Variants in RAPH1 observed in about 807,000 individuals in gnomAD.
RAPH1 encodes the protein Ras association (RalGDS/AF-6) and pleckstrin homology domains 1, also known as ras-associated and pleckstrin homology domains-containing protein 1.
A neutral mutation model predicts 88.1 loss-of-function variants in RAPH1; 18 were observed. The ratio of observed to expected loss-of-function variants is 0.20; its 90% CI spans 0.14 to 0.30. The LOEUF (loss-of-function observed/expected upper bound fraction) is 0.30. Among genes scored for constraint, RAPH1 ranks in the 10% least tolerant of loss-of-function variants. The pLI, the probability that RAPH1 is intolerant of heterozygous loss-of-function variation, is 1.00. For missense variants in RAPH1, 1,448 were observed against 1,543.2 expected (o/e 0.94, Z 1.03); for synonymous variants, 587 against 559.0 (o/e 1.05, Z -0.71).
chr2:203,516,550 AC>A (rs1444928667), intron 1 of RAPH1, among the ~76,000 whole-genome samples: 4 of 151,998 alleles, frequency 2.6e-5, no homozygotes, highest in African/African-American at 7.3e-5. Flanking sequence ...GGAGTTTGAG[AC>A]CGGCCTGGCC....
intron 7 of RAPH1, among the ~76,000 whole-genome samples, chr2:203,458,366 A>C (rs2098521553): frequency 6.6e-6 from 1 of 152,096 alleles, no homozygotes; most frequent in South Asian, 2.1e-4. Context: ...ATCTCAAAAA[A>C]AAACAAAAAA....
Position 203,461,268 on chromosome 2 carries a change from G to T in RAPH1, c.951C>A (p.Thr317=). ...GYSLDWSLVE[T]VSELQMERIF... Reference sequence around the variant, plus strand: ...ACTAACCCATTTGTAATTCAGAAACGGTTTCTACCAGTGACCAGTCTAAAC... The same window carrying T: ...ACTAACCCATTTGTAATTCAGAAACTGTTTCTACCAGTGACCAGTCTAAAC... The change falls in exon 6 of 14, where the codon ACC becomes ACA. Residue 317 remains threonine (T), a synonymous_variant. Transcript: ENST00000319170. 6.3e-7 allele frequency: 1 copy of T among 1,581,276 alleles called. No homozygotes were observed. Among genetic ancestry groups the T allele is most frequent in the Non-Finnish European group, 8.6e-7 (1 of 1,163,056 alleles).
At chr2:203,518,480 T>G (rs1689715330) in intron 1 of RAPH1, among the ~76,000 whole-genome samples, 1 of 150,724 alleles carries the variant, frequency 6.6e-6, no homozygotes, top group South Asian at 2.1e-4. Flanking sequence ...ATCGCACCAC[T>G]GCACTCCAGC....
At chr2:203,497,724 G>T (rs993421591) in intron 1 of RAPH1, among the ~76,000 whole-genome samples, 2 of 151,848 alleles carry the variant, frequency 1.3e-5, no homozygotes, top group Non-Finnish European at 2.9e-5. Context: ...TTCTACCCTG[G>T]CAAGTGAAAA....
intron 13 of RAPH1, 132 bp from the exon 14 acceptor site, chr2:203,441,545 G>A (rs2098504163): frequency 7.2e-7 from 1 of 1,386,476 alleles, no homozygotes. Context: ...TGCAGAAGTT[G>A]GTGGTGATCA....
intron 8 of RAPH1, among the ~76,000 whole-genome samples, chr2:203,456,883 C>T (rs2098520009): frequency 6.6e-6 from 1 of 151,968 alleles, no homozygotes; most frequent in Non-Finnish European, 1.5e-5. Context: ...AATTTGTGAA[C>T]AGCTAATTAT....
intron 10 of RAPH1, among the ~76,000 whole-genome samples, chr2:203,450,008 G>A (rs2098513378): frequency 6.8e-6 from 1 of 147,650 alleles, no homozygotes; most frequent in African/African-American, 2.5e-5. Flanking sequence ...GGGTAACAGA[G>A]CGAGACTTCG....
intron 1 of RAPH1, among the ~76,000 whole-genome samples, chr2:203,499,033 C>CCA (rs1399104091): frequency 2.0e-5 from 3 of 152,126 alleles, no homozygotes; most frequent in Non-Finnish European, 4.4e-5. Flanking sequence ...GTAGACTATA[C>CCA]CACCTGGGTT....
Position 203,438,447 on chromosome 2 carries a change from T to C in RAPH1, c.*990A>G, listed in dbSNP as rs1337866398. The stretch of plus-strand genomic sequence containing the variant: ...TTCATATACCAATTGTCTACAGATA[T>C]GTAATAACACCTACCTAAAGCACAT... On this transcript the variant is annotated 3_prime_UTR_variant, in exon 14 of 14. Coordinates refer to ENST00000319170, the MANE Select transcript of RAPH1 (RefSeq NM_213589.3). The C allele has an allele frequency of 9.7e-6, 3 of 309,468 alleles. No individual in the cohort carries two copies. The Admixed American group carries it at 1.4e-4, about 14-fold the overall frequency. The allele number at this position is 309,468 out of a possible 1,614,324, so 19.2% of individuals were successfully genotyped here.
intron 3 of RAPH1, among the ~76,000 whole-genome samples, chr2:203,490,990 G>A (rs1358632897): frequency 4.0e-5 from 6 of 150,160 alleles, no homozygotes; most frequent in Non-Finnish European, 5.9e-5. Flanking sequence ...GTTGCAGTGA[G>A]CCGAGACTGT....
At chr2:203,525,723 G>A (rs953124044) in intron 1 of RAPH1, among the ~76,000 whole-genome samples, 24 of 152,146 alleles carry the variant, frequency 1.6e-4, no homozygotes, top group African/African-American at 5.8e-4. Flanking sequence ...TTTGCAGTGA[G>A]CTGAGATTGG....
At chr2:203,515,527 G>C (rs532394543) in intron 1 of RAPH1, among the ~76,000 whole-genome samples, 1 of 152,154 alleles carries the variant, frequency 6.6e-6, no homozygotes, top group Non-Finnish European at 1.5e-5. Flanking sequence ...GTCTTTTATT[G>C]TATCACTGTT....
intron 1 of RAPH1, among the ~76,000 whole-genome samples, chr2:203,531,321 G>A (rs988981935): frequency 1.3e-5 from 2 of 152,040 alleles, no homozygotes; most frequent in African/African-American, 2.4e-5. Context: ...GAGTCAATGG[G>A]GGCAGCAAAC....
chr2:203,491,852 A>T (rs546852519), intron 2 of RAPH1, among the ~76,000 whole-genome samples: 119 of 152,364 alleles, frequency 7.8e-4, no homozygotes, highest in Non-Finnish European at 1.4e-3. Context: ...AGTTCAGAGT[A>T]AATATCTTTT....
At chr2:203,523,383 ACT>A (rs1274708837) in intron 1 of RAPH1, among the ~76,000 whole-genome samples, 1 of 145,024 alleles carries the variant, frequency 6.9e-6, no homozygotes, top group Non-Finnish European at 1.5e-5. Flanking sequence ...AAAGAGCGAG[ACT>A]CTGTCTCAAA....
At chr2:203,477,809 G>A (rs976390171) in intron 4 of RAPH1, among the ~76,000 whole-genome samples, 1 of 152,100 alleles carries the variant, frequency 6.6e-6, no homozygotes, top group East Asian at 1.9e-4. Context: ...CAGTACATTG[G>A]GGGTGAGGAG....
At chr2:203,518,531 CAAAAAAACAAA>C (rs1559502044) in intron 1 of RAPH1, among the ~76,000 whole-genome samples, 2 of 89,998 alleles carry the variant, frequency 2.2e-5, no homozygotes, top group East Asian at 6.3e-4. Context: ...ACAAAAAAAA[CAAAAAAACAAA>C]AAAAAAACAA....
At chr2:203,456,136 A>G (rs2098519340) in intron 8 of RAPH1, among the ~76,000 whole-genome samples, 1 of 152,226 alleles carries the variant, frequency 6.6e-6, no homozygotes, top group African/African-American at 2.4e-5. Flanking sequence ...CCAGTCATAC[A>G]TGTAATACTG....
chr2:203,511,653 T>C (rs1401631947), intron 1 of RAPH1, among the ~76,000 whole-genome samples: 2 of 152,014 alleles, frequency 1.3e-5, no homozygotes, highest in African/African-American at 4.8e-5. Context: ...TCCTCTTCCC[T>C]TCCAGGGTTT....
Sources: allele counts gnomAD v4.1 joint callset (sites outside exome capture counted in the v4.1 genomes callset), GRCh38; gene constraint gnomAD v4.1.1; transcripts MANE v1.5; gene names NCBI Gene and HGNC (gene_info 2026-07-23, HGNC 2026-07-21).